ATP10D: variants seen among roughly 807,000 people sequenced by gnomAD.
ATP10D encodes phospholipid-transporting ATPase VD.
Under a neutral mutation model 144.8 loss-of-function variants are expected in ATP10D, and 89 were observed. The ratio of observed to expected loss-of-function variants is 0.61; its 90% CI spans 0.52 to 0.73. The LOEUF is 0.73. Among genes scored for constraint, ATP10D ranks in the 30% least tolerant of loss-of-function variants. ATP10D has a pLI of 0.00. For synonymous variants in ATP10D, 571 were observed against 615.1 expected (o/e 0.93, Z 1.06); for missense variants, 1,603 against 1,714.8 (o/e 0.93, Z 1.15).
intron 3 of ATP10D, among the ~76,000 whole-genome samples, chr4:47,516,511 C>T (rs1039394500): frequency 6.6e-6 from 1 of 152,056 alleles, no homozygotes; most frequent in Non-Finnish European, 1.5e-5. Flanking sequence ...CTTAGTAAAC[C>T]GTATAGACAA....
In ATP10D at chr4:47,573,029, C is replaced by T. The variant is rs199985345; in HGVS notation, c.3366+32C>T. On this transcript the variant is annotated intron_variant, in intron 18 of 22. Transcript: ENST00000273859. ...AACCCCAGAGAATTTGTCCCTTTTC[C>T]CTTCGTACCTTCCAAGACTGTTGCA... 1.2e-5 allele frequency: 20 copies of T among 1,608,168 alleles called. No homozygotes were observed. The East Asian group carries it at 4.2e-4, about 34-fold the overall frequency.
intron 22 of ATP10D, 90 bp from the exon 23 acceptor site, chr4:47,590,952 T>C (rs1721001676): frequency 2.8e-6 from 3 of 1,054,276 alleles, no homozygotes. Context: ...CCAGACCCTT[T>C]TACTTTTTTA....
At chr4:47,539,471 T>C (rs1166800365) in intron 9 of ATP10D, among the ~76,000 whole-genome samples, 1 of 152,186 alleles carries the variant, frequency 6.6e-6, no homozygotes, top group East Asian at 1.9e-4. Flanking sequence ...TAATGCACTT[T>C]TGGGGTCTTT....
intron 22 of ATP10D, 38 bp from the exon 23 acceptor site, chr4:47,591,004 A>G: frequency 2.3e-6 from 3 of 1,284,258 alleles, no homozygotes; most frequent in Non-Finnish European, 2.1e-6. Context: ...AATGCATTTG[A>G]GATGAATTTA....
intron 1 of ATP10D, among the ~76,000 whole-genome samples, chr4:47,493,746 G>A (rs752016263): frequency 8.5e-5 from 13 of 152,130 alleles, no homozygotes; most frequent in Non-Finnish European, 1.5e-5. Context: ...AAATTATCAG[G>A]CCACTGCAGA....
chr4:47,563,531 A>C, intron 14 of ATP10D, 50 bp from the exon 15 acceptor site: 1 of 1,510,494 alleles, frequency 6.6e-7, no homozygotes. Flanking sequence ...GCTGAGCTTC[A>C]GCTGGCTTTG....
chr4:47,580,826 C>T (rs1720477001), intron 20 of ATP10D, among the ~76,000 whole-genome samples: 2 of 152,138 alleles, frequency 1.3e-5, no homozygotes, highest in South Asian at 2.1e-4. Flanking sequence ...TTTTGGGAGG[C>T]TGAGGCAGTT....
chr4:47,535,219 C>G (rs938874795), intron 5 of ATP10D, among the ~76,000 whole-genome samples: 3 of 151,654 alleles, frequency 2.0e-5, no homozygotes, highest in African/African-American at 7.3e-5. Context: ...AAGCATGATG[C>G]TTATCACCTG....
chr4:47,550,807 T>G (rs1340693823), intron 10 of ATP10D, among the ~76,000 whole-genome samples: 3 of 152,208 alleles, frequency 2.0e-5, no homozygotes, highest in Non-Finnish European at 2.9e-5. Context: ...GCAGACACCC[T>G]GCCAGATCCG....
At chr4:47,554,196 G>C (rs891615302) in intron 10 of ATP10D, among the ~76,000 whole-genome samples, 5 of 152,158 alleles carry the variant, frequency 3.3e-5, no homozygotes, top group African/African-American at 1.2e-4. Flanking sequence ...TTAATGTCTT[G>C]TATTACTTGA....
At position 47,523,018 on chromosome 4, in the gene ATP10D, G is replaced by A. The variant is rs1560422999; in HGVS notation, c.492G>A (p.Glu164=). Residue 164 remains glutamate (E), a synonymous_variant, in exon 4 of 23, where the codon GAG becomes GAA. Coordinates refer to ENST00000273859, the MANE Select transcript of ATP10D (RefSeq NM_020453.4). ...NLITKVYSRK[E]KKYIDRCWKD... ...AACTTTTTTTTAATTACAGGAAAGA[G>A]AAAAAATACATTGACCGATGCTGGA... 6.2e-7 allele frequency: 1 copy of A among 1,604,940 alleles called. No homozygotes were observed. The highest frequency in any genetic ancestry group is 1.1e-5 in the South Asian group (1 of 89,020).
At chr4:47,504,367 C>T (rs796279987) in intron 1 of ATP10D, among the ~76,000 whole-genome samples, 7 of 152,264 alleles carry the variant, frequency 4.6e-5, no homozygotes, top group African/African-American at 1.7e-4. Context: ...AAGAAACCAC[C>T]AAAGATATCA....
chr4:47,522,992 T>TTTG lies in ATP10D; in HGVS notation c.486-20_486-19insTTG. Reference sequence around the variant, plus strand: ...TTCACTTGATATTCTTTTTTTTTTTTAACTTTTTTTTAATTACAGGAAAGA... The same window carrying TTTG: ...TTCACTTGATATTCTTTTTTTTTTTTTTGAACTTTTTTTTAATTACAGGAAAGA... On this transcript the variant is annotated intron_variant, in intron 3 of 22. Transcript: ENST00000273859. 6.7e-7 allele frequency: 1 copy of TTTG among 1,486,460 alleles called. No homozygotes were observed. Among genetic ancestry groups the TTTG allele is most frequent in the Non-Finnish European group, 9.2e-7 (1 of 1,091,344 alleles). The allele number at this position is 1,486,460 out of a possible 1,614,324, so 92.1% of individuals were successfully genotyped here.
At chr4:47,504,649 G>A (rs1349110824) in intron 1 of ATP10D, among the ~76,000 whole-genome samples, 4 of 152,054 alleles carry the variant, frequency 2.6e-5, no homozygotes, top group South Asian at 2.1e-4. Context: ...TGCAAGCTCC[G>A]CCTCCCGGGT....
chr4:47,587,016 C>T lies in ATP10D; in HGVS notation c.3754-3C>T, dbSNP rs1346307469. 1.2e-6 allele frequency: 2 copies of T among 1,613,170 alleles called. No homozygotes were observed. Among genetic ancestry groups the T allele is most frequent in the East Asian group, 2.2e-5 (1 of 44,882 alleles). ...CATTTCCTCTGCTCTTCTTGTCTTA[C>T]AGACTTGGATTCACTTGCTGGTCAT... On this transcript the variant is annotated splice_polypyrimidine_tract_variant and splice_region_variant and intron_variant, in intron 21 of 22. Coordinates refer to ENST00000273859, the MANE Select transcript of ATP10D (RefSeq NM_020453.4).
Position 47,536,679 on chromosome 4 carries a change from T to C in ATP10D, c.1144-7T>C, listed in dbSNP as rs1207636913. ...TAACATTTTAAAACTTGTTTGGATC[T>C]TCTTAGGTCTTGATTCCTATTTCTC... On this transcript the variant is annotated splice_polypyrimidine_tract_variant and splice_region_variant and intron_variant, in intron 8 of 22. Transcript: ENST00000273859. 1 of 1,600,958 alleles carries C rather than the reference T, an allele frequency of 6.2e-7. No individual in the cohort carries two copies.
In ATP10D at chr4:47,541,289, G is replaced by A. The variant is rs114488602; in HGVS notation, c.1396+4351G>A. On this transcript the variant is annotated intron_variant, in intron 9 of 22. Transcript: ENST00000273859. Reference sequence around the variant, plus strand: ...CTATCTCTTAAGGAGCTCATGGTCCGATGTGGGAGGCAGATATGTAAACAT... The same window carrying A: ...CTATCTCTTAAGGAGCTCATGGTCCAATGTGGGAGGCAGATATGTAAACAT... Among the ~76,000 whole-genome samples, 366 of 152,304 alleles carry A rather than the reference G, an allele frequency of 2.4e-3. 2 individuals carry two copies. The highest frequency in any genetic ancestry group is 8.2e-3 in the African/African-American group (339 of 41,568).
In ATP10D at chr4:47,566,438, A is replaced by G. The variant is rs541403727; in HGVS notation, c.2854-2399A>G. 1.1e-3 allele frequency among the ~76,000 whole-genome samples: 164 copies of G among 152,188 alleles called. 3 individuals carry two copies. The highest frequency in any genetic ancestry group is 3.9e-3 in the African/African-American group (162 of 41,522). On this transcript the variant is annotated intron_variant, in intron 15 of 22. Coordinates refer to ENST00000273859, the MANE Select transcript of ATP10D (RefSeq NM_020453.4). ...CTCAGATTGGTAACTTTCTATCTTC[A>G]TAATTTATATTAGAATCTACAAAAA...
chr4:47,522,256 A>T (rs956499892), intron 3 of ATP10D, among the ~76,000 whole-genome samples: 2 of 152,218 alleles, frequency 1.3e-5, no homozygotes, highest in African/African-American at 4.8e-5. Context: ...ACGAAAATGT[A>T]TCGTGGAGCA....
Sources: allele counts gnomAD v4.1 joint callset (sites outside exome capture counted in the v4.1 genomes callset), GRCh38; gene constraint gnomAD v4.1.1; transcripts MANE v1.5; gene names NCBI Gene and HGNC (gene_info 2026-07-23, HGNC 2026-07-21).